SETD3: variants seen among roughly 807,000 people sequenced by gnomAD.
The protein encoded by SETD3 is SET domain containing 3, actin N3(tau)-histidine methyltransferase.
In SETD3, 19 loss-of-function variants were observed where a neutral mutation model predicts 63.0. That is an observed-to-expected ratio of 0.30 (90% confidence interval 0.21 to 0.44). The LOEUF is 0.44. Ranked by LOEUF, SETD3 falls within the 20% of genes least tolerant of loss-of-function variation. The pLI, the probability that SETD3 is intolerant of heterozygous loss-of-function variation, is 1.00. For missense variants in SETD3, 587 were observed against 728.5 expected, an observed-to-expected ratio of 0.81 and a Z score of 2.24; for synonymous variants, 286 against 264.1, an observed-to-expected ratio of 1.08 and a Z score of -0.80.
At chr14:99,475,077 T>A (rs1382014860) in intron 1 of SETD3, among the ~76,000 whole-genome samples, 1 of 152,232 alleles carries the variant, frequency 6.6e-6, no homozygotes, top group Non-Finnish European at 1.5e-5. Context: ...GTATCATGAA[T>A]AATCATTTCC....
chr14:99,418,498 A>G (rs1892399000), intron 6 of SETD3, among the ~76,000 whole-genome samples: 2 of 151,970 alleles, frequency 1.3e-5, no homozygotes, highest in African/African-American at 4.8e-5. Context: ...GGTGGATGCA[A>G]TTTTGCAAGT....
At chr14:99,401,647 G>A (rs530467583) in intron 11 of SETD3, among the ~76,000 whole-genome samples, 1 of 152,280 alleles carries the variant, frequency 6.6e-6, no homozygotes, top group Admixed American at 6.5e-5. Context: ...TTATTTGTTA[G>A]TAAAGATCAT....
At position 99,459,188 on chromosome 14, in the gene SETD3, A is replaced by G; in HGVS notation, c.346-3T>C. On this transcript the variant is annotated splice_region_variant and splice_polypyrimidine_tract_variant and intron_variant, in intron 4 of 12. Transcript: ENST00000331768. The stretch of plus-strand genomic sequence containing the variant: ...ACCCATAAAAACAATTCTTCTGCCT[A>G]GGGAAAAAAATAATAATAGGAGAAT... 6.2e-7 allele frequency: 1 copy of G among 1,603,154 alleles called. No individual in the cohort carries two copies. The highest frequency in any genetic ancestry group is 8.5e-7 in the Non-Finnish European group (1 of 1,172,698).
Position 99,458,442 on chromosome 14 carries a change from A to G in SETD3, c.512T>C (p.Phe171Ser), listed in dbSNP as rs758306742. The change falls in exon 6 of 13, where the codon TTC becomes TCC. Residue 171 changes from phenylalanine (F) to serine (S), a missense_variant. By Grantham distance (155) the Phe-to-Ser change is radical (BLOSUM62 -2). Transcript: ENST00000331768. Reference protein sequence around the residue: ...LLCERASPNSFWQPYIQTLPS... With the variant: ...LLCERASPNSSWQPYIQTLPS... ...GAGGGTTTGAATATAGGGCTGCCAG[A>G]AGGAGTTAGGGCTGGCTCGCTCACA... 1 of 1,614,146 alleles carries G rather than the reference A, an allele frequency of 6.2e-7. No homozygotes were observed. Among genetic ancestry groups the G allele is most frequent in the South Asian group, 1.1e-5 (1 of 91,072 alleles).
chr14:99,456,256 A>AG (rs767006961), intron 6 of SETD3, among the ~76,000 whole-genome samples: 1 of 152,240 alleles, frequency 6.6e-6, no homozygotes, highest in Non-Finnish European at 1.5e-5. Flanking sequence ...AAAAGTAACC[A>AG]GTTTGATTTC....
At chr14:99,459,221 A>C in intron 4 of SETD3, 36 bp from the exon 5 acceptor site, 1 of 1,458,026 alleles carries the variant, frequency 6.9e-7, no homozygotes, top group Non-Finnish European at 9.6e-7. Context: ...AATCATCAAA[A>C]CACGGTACAG....
intron 4 of SETD3, among the ~76,000 whole-genome samples, chr14:99,459,987 T>C (rs934960378): frequency 6.6e-6 from 1 of 152,116 alleles, no homozygotes; most frequent in African/African-American, 2.4e-5. Context: ...AAGCACATAG[T>C]GAGGAAAGTC....
intron 2 of SETD3, among the ~76,000 whole-genome samples, chr14:99,464,069 G>A (rs181589874): frequency 3.9e-5 from 6 of 152,292 alleles, no homozygotes; most frequent in Admixed American, 2.6e-4. Context: ...ACAATTAGTC[G>A]ACAAACATTT....
chr14:99,407,217 T>C (rs938620311), intron 8 of SETD3, among the ~76,000 whole-genome samples: 1 of 152,172 alleles, frequency 6.6e-6, no homozygotes, highest in South Asian at 2.1e-4. Context: ...CTAAGTCCAT[T>C]ACAAATAAAT....
In SETD3 at chr14:99,397,982, T is replaced by C. The variant is rs1891181766; in HGVS notation, c.*697A>G. ...TAGGAGGATGATGCATGTCCTACTT[T>C]GATTCAAGGAGAAAGGACAAGTTCT... On this transcript the variant is annotated 3_prime_UTR_variant, in exon 13 of 13. Transcript: ENST00000331768. 2 of 152,608 alleles carry C rather than the reference T, an allele frequency of 1.3e-5. No individual in the cohort carries two copies. Among genetic ancestry groups the C allele is most frequent in the African/African-American group, 4.8e-5 (2 of 41,418 alleles). The allele number at this position is 152,608 out of a possible 1,614,324, so 9.5% of individuals were successfully genotyped here.
chr14:99,431,968 GAGA>G (rs1893208131), intron 6 of SETD3, among the ~76,000 whole-genome samples: 1 of 152,128 alleles, frequency 6.6e-6, no homozygotes, highest in South Asian at 2.1e-4. Context: ...TGAATACACA[GAGA>G]AGTTTTCATA....
At chr14:99,457,914 AAATT>A (rs1442170276) in intron 6 of SETD3, among the ~76,000 whole-genome samples, 1 of 152,234 alleles carries the variant, frequency 6.6e-6, no homozygotes, top group African/African-American at 2.4e-5. Flanking sequence ...ATATAGAAAA[AAATT>A]AACCCTCATT....
In SETD3 at chr14:99,398,535, TAAAA is replaced by T; in HGVS notation, c.*140_*143del. The T allele has an allele frequency of 1.6e-5, 13 of 831,916 alleles. 1 individual carries two copies. In the South Asian group the frequency reaches 2.5e-4, roughly 16 times the overall value. The allele number at this position is 831,916 out of a possible 1,614,324, so 51.5% of individuals were successfully genotyped here. ...GGGAAGCTAGATTTTTAAAATAACT[TAAAA>T]AAACCATTTTTATATAAAGCAGCAA... On this transcript the variant is annotated 3_prime_UTR_variant, in exon 13 of 13. Transcript: ENST00000331768.
At chr14:99,439,162 A>G (rs980411022) in intron 6 of SETD3, among the ~76,000 whole-genome samples, 1 of 152,146 alleles carries the variant, frequency 6.6e-6, no homozygotes, top group Non-Finnish European at 1.5e-5. Context: ...CAGGCGACAG[A>G]CTCATAGGAG....
At chr14:99,414,032 C>T in intron 6 of SETD3, 98 bp from the exon 7 acceptor site, 1 of 1,130,670 alleles carries the variant, frequency 8.8e-7, no homozygotes, top group East Asian at 2.4e-5. Context: ...CTAACAGATC[C>T]TAACAAGAGC....
chr14:99,440,302 A>G (rs540754388), intron 6 of SETD3, among the ~76,000 whole-genome samples: 1 of 152,336 alleles, frequency 6.6e-6, no homozygotes, highest in African/African-American at 2.4e-5. Context: ...TGACAAAAGT[A>G]CGCAAACCAT....
At chr14:99,468,156 TA>T (rs34626094) in intron 1 of SETD3, among the ~76,000 whole-genome samples, 201 of 131,906 alleles carry the variant, frequency 1.5e-3, no homozygotes, top group African/African-American at 1.9e-3. Flanking sequence ...AATACAGATT[TA>T]AAAAAAAAAA....
intron 6 of SETD3, among the ~76,000 whole-genome samples, chr14:99,434,877 CA>C (rs1368192216): frequency 4.3e-5 from 2 of 46,534 alleles, no homozygotes; most frequent in African/African-American, 1.4e-4. Context: ...AAAAAAAAAA[CA>C]ACCTACATTT....
intron 6 of SETD3, among the ~76,000 whole-genome samples, chr14:99,451,534 C>G (rs1211623171): frequency 6.6e-6 from 1 of 151,956 alleles, no homozygotes; most frequent in Non-Finnish European, 1.5e-5. Flanking sequence ...ATCGCTCTGT[C>G]GCTGGATTAG....
Sources: allele counts gnomAD v4.1 joint callset (sites outside exome capture counted in the v4.1 genomes callset), GRCh38; gene constraint gnomAD v4.1.1; transcripts MANE v1.5; gene names NCBI Gene and HGNC (gene_info 2026-07-23, HGNC 2026-07-21).